Variants in OPCML observed in about 807,000 individuals in gnomAD.
OPCML encodes opioid-binding protein/cell adhesion molecule.
A neutral mutation model predicts 37.8 loss-of-function variants in OPCML; 13 were observed. That is an observed-to-expected ratio of 0.34 (90% CI 0.22 to 0.55). The LOEUF is 0.55. Ranked by LOEUF, OPCML falls within the 20% of genes least tolerant of loss-of-function variation. OPCML has a pLI of 0.91. For missense variants in OPCML, 341 were observed against 435.6 expected (o/e 0.78, Z 1.93); for synonymous variants, 176 against 168.8 (o/e 1.04, Z -0.33).
chr11:133,359,234 A>G (rs1046146572), intron 1 of OPCML, among the ~76,000 whole-genome samples: 1 of 152,118 alleles, frequency 6.6e-6, no homozygotes, highest in Non-Finnish European at 1.5e-5. Context: ...TCTCACCCCC[A>G]CTTCCTCATC....
intron 3 of OPCML, 136 bp downstream of exon 3, chr11:132,656,951 G>A: frequency 7.0e-7 from 1 of 1,437,942 alleles, no homozygotes; most frequent in Non-Finnish European, 9.2e-7. Context: ...AACATTCCAA[G>A]ACATATAGTC....
chr11:132,463,233 A>G (rs2096108783), intron 4 of OPCML, among the ~76,000 whole-genome samples: 1 of 152,170 alleles, frequency 6.6e-6, no homozygotes, highest in African/African-American at 2.4e-5. Context: ...ATTCAACACC[A>G]TCTCTTTTCT....
rs547816121 is a variant in OPCML, at chr11:132,561,361, TCTC to T, written c.380-32178_380-32176del. ...CTTAAAATCCTTTCCTGGGTCCTCA[TCTC>T]CTCCATAGGCTCTTTAGGATGATAA... is the stretch of plus-strand genomic sequence containing the variant. On this transcript the variant is annotated intron_variant, in intron 3 of 7. Transcript: ENST00000524381. 3.3e-3 allele frequency among the ~76,000 whole-genome samples: 505 copies of T among 152,322 alleles called. 2 individuals are homozygous for T. Among genetic ancestry groups the T allele is most frequent in the Non-Finnish European group, 6.0e-3 (409 of 68,026 alleles).
chr11:132,850,190 T>C (rs1941741345), intron 2 of OPCML, among the ~76,000 whole-genome samples: 1 of 152,128 alleles, frequency 6.6e-6, no homozygotes, highest in Non-Finnish European at 1.5e-5. Flanking sequence ...CTGGGAAACC[T>C]CCTGTGTCCA....
intron 3 of OPCML, among the ~76,000 whole-genome samples, chr11:132,595,909 G>A (rs2096491744): frequency 1.3e-5 from 2 of 152,218 alleles, no homozygotes; most frequent in Admixed American, 1.3e-4. Context: ...TGATTTGGCT[G>A]TAAATCAAAC....
chr11:133,510,903 GCACA>G (rs139570053), intron 1 of OPCML, among the ~76,000 whole-genome samples: 14 of 147,532 alleles, frequency 9.5e-5, no homozygotes, highest in South Asian at 6.5e-4. Flanking sequence ...ACACACACAC[GCACA>G]CACACACACA....
Position 132,417,475 on chromosome 11 carries a change from G to A in OPCML, c.*2718C>T, listed in dbSNP as rs1237543408. On this transcript the variant is annotated 3_prime_UTR_variant, in exon 8 of 8. Coordinates refer to ENST00000524381, the MANE Select transcript of OPCML (RefSeq NM_001012393.5). ...TGGCTGGGATAGGTACCCACCAGAG[G>A]GGCATCTTAGTATCCTTTGGAAGGG... 6.6e-6 allele frequency: 1 copy of A among 152,186 alleles called. No individual in the cohort carries two copies. Among genetic ancestry groups the A allele is most frequent in the Non-Finnish European group, 1.5e-5 (1 of 68,054 alleles). The allele number at this position is 152,186 out of a possible 1,614,324, so 9.4% of individuals were successfully genotyped here. A position where few individuals can be genotyped will look rare whatever the true frequency, so the allele number is the denominator to read the frequency against.
chr11:132,449,670 A>G (rs1341753142), intron 4 of OPCML, among the ~76,000 whole-genome samples: 1 of 152,156 alleles, frequency 6.6e-6, no homozygotes, highest in Non-Finnish European at 1.5e-5. Flanking sequence ...ACGGCAGCTC[A>G]GCACCAACAG....
chr11:133,033,383 C>G (rs533160522), intron 1 of OPCML, among the ~76,000 whole-genome samples: 1 of 152,204 alleles, frequency 6.6e-6, no homozygotes, highest in East Asian at 1.9e-4. Context: ...AAAGTAGGCT[C>G]ATTTAGGACT....
chr11:133,137,661 A>T (rs1949712211), intron 1 of OPCML, among the ~76,000 whole-genome samples: 1 of 152,198 alleles, frequency 6.6e-6, no homozygotes, highest in African/African-American at 2.4e-5. Context: ...GTCGCCTGAG[A>T]CAGGCCAAGG....
chr11:132,716,698 T>A (rs888899509), intron 2 of OPCML, among the ~76,000 whole-genome samples: 2 of 152,202 alleles, frequency 1.3e-5, no homozygotes, highest in East Asian at 1.9e-4. Flanking sequence ...TTTCTACTTT[T>A]AAAAAACCCA....
chr11:132,952,837 G>C (rs1945891650), intron 1 of OPCML, among the ~76,000 whole-genome samples: 2 of 152,282 alleles, frequency 1.3e-5, no homozygotes, highest in East Asian at 3.9e-4. Context: ...AGCTCTCCAT[G>C]ATGGGGGATA....
At chr11:132,888,686 A>T (rs975262997) in intron 2 of OPCML, among the ~76,000 whole-genome samples, 1 of 152,158 alleles carries the variant, frequency 6.6e-6, no homozygotes, top group Non-Finnish European at 1.5e-5. Flanking sequence ...AAATCACTGA[A>T]AATCACCTTA....
intron 1 of OPCML, among the ~76,000 whole-genome samples, chr11:133,199,925 T>C (rs998164067): frequency 6.6e-6 from 1 of 152,172 alleles, no homozygotes; most frequent in Non-Finnish European, 1.5e-5. Context: ...GTTTATGAAA[T>C]GAAGGAATAA....
chr11:132,506,564 G>C (rs1174206985), intron 4 of OPCML, among the ~76,000 whole-genome samples: 2 of 152,096 alleles, frequency 1.3e-5, no homozygotes, highest in Non-Finnish European at 2.9e-5. Flanking sequence ...GATTTTGATA[G>C]TCTGAGAAAC....
intron 2 of OPCML, among the ~76,000 whole-genome samples, chr11:132,858,462 A>G (rs926520486): frequency 6.6e-6 from 1 of 152,140 alleles, no homozygotes. Flanking sequence ...TGATACTTAC[A>G]TTGCTGAACT....
chr11:133,063,634 T>C lies in OPCML; in HGVS notation c.62-120624A>G, dbSNP rs141822876. On this transcript the variant is annotated intron_variant, in intron 1 of 7. Transcript: ENST00000524381. ...TGGAGTGCAATGGCTTGATCTTGGC[T>C]CACTACAACCTCCGCCTCCCAGATT... Among the ~76,000 whole-genome samples, 1,266 of 151,984 alleles carry C rather than the reference T, an allele frequency of 8.3e-3. 14 individuals are homozygous for C. The highest frequency in any genetic ancestry group is 0.026 in the African/African-American group (1,078 of 41,434).
intron 1 of OPCML, among the ~76,000 whole-genome samples, chr11:133,343,558 C>A (rs1390211222): frequency 6.6e-6 from 1 of 152,042 alleles, no homozygotes; most frequent in Non-Finnish European, 1.5e-5. Flanking sequence ...TGAGAGGGAA[C>A]TTTTTTTCTC....
chr11:133,159,839 C>A (rs759716736), intron 1 of OPCML, among the ~76,000 whole-genome samples: 2 of 152,196 alleles, frequency 1.3e-5, no homozygotes, highest in African/African-American at 2.4e-5. Context: ...CCCCAGGGCA[C>A]GCGAGTTCTC....
Sources: gnomAD v4.1 joint callset for allele counts (sites outside exome capture counted in the v4.1 genomes callset) on GRCh38, gnomAD v4.1.1 for gene constraint, MANE v1.5 for transcripts, NCBI Gene and HGNC (gene_info 2026-07-23, HGNC 2026-07-21) for gene names.